SLC22A16: variants seen among roughly 807,000 people sequenced by gnomAD.
SLC22A16 encodes the protein WUGSC:RG331P03.1.
Under a neutral mutation model 52.9 loss-of-function variants are expected in SLC22A16, and 53 were observed. The observed-to-expected ratio is 1.00, with a 90% CI of 0.80 to 1.26. The LOEUF (loss-of-function observed/expected upper bound fraction) is 1.26. Among genes scored for constraint, SLC22A16 ranks in the 50% most tolerant of loss-of-function variants. The pLI, the probability that SLC22A16 is intolerant of heterozygous loss-of-function variation, is 0.00. For missense variants in SLC22A16, 726 were observed against 704.0 expected (o/e 1.03, Z -0.35); for synonymous variants, 291 against 268.8 (o/e 1.08, Z -0.81).
At chr6:110,468,917 C>T (rs904157862) in intron 1 of SLC22A16, among the ~76,000 whole-genome samples, 6 of 152,166 alleles carry the variant, frequency 3.9e-5, no homozygotes, top group Admixed American at 3.9e-4. Flanking sequence ...TGCTATATTG[C>T]CTGTGGCCTC....
intron 2 of SLC22A16, among the ~76,000 whole-genome samples, chr6:110,447,906 T>TA (rs1257582675): frequency 6.6e-6 from 1 of 152,242 alleles, no homozygotes; most frequent in African/African-American, 2.4e-5. Context: ...ATTCATCAGT[T>TA]GATGGCTCAT....
intron 1 of SLC22A16, among the ~76,000 whole-genome samples, chr6:110,465,585 G>C (rs1468851971): frequency 2.0e-5 from 3 of 152,030 alleles, no homozygotes; most frequent in Non-Finnish European, 4.4e-5. Flanking sequence ...CTTAACCAAA[G>C]AAGTAAAAGA....
intron 6 of SLC22A16, 96 bp downstream of exon 6, chr6:110,435,756 T>TA: frequency 1.2e-6 from 1 of 851,296 alleles, no homozygotes; most frequent in Non-Finnish European, 1.8e-6. Flanking sequence ...GTAACTTCTA[T>TA]AAAAAAGAAG....
chr6:110,453,551 C>A lies in SLC22A16; in HGVS notation c.533+2987G>T, dbSNP rs181902869. The A allele has an allele frequency of 4.5e-4, 204 of 450,952 alleles. 2 individuals are homozygous for A. The East Asian group carries it at 0.011, about 24-fold the overall frequency. The allele number at this position is 450,952 out of a possible 1,614,324, so 27.9% of individuals were successfully genotyped here. A position where few individuals can be genotyped will look rare whatever the true frequency, so the allele number is the denominator to read the frequency against. The stretch of plus-strand genomic sequence containing the variant: ...ACTTCGTTAGCAAGCAGTAGGGCAG[C>A]AGCATCTTTGTCTCAGGTCCTCTAA... On this transcript the variant is annotated intron_variant, in intron 2 of 7. Transcript: ENST00000368919.
At chr6:110,427,006 C>A (rs1774282766) in intron 7 of SLC22A16, among the ~76,000 whole-genome samples, 1 of 151,066 alleles carries the variant, frequency 6.6e-6, no homozygotes, top group African/African-American at 2.4e-5. Flanking sequence ...AATCCCAAGA[C>A]TTTGGGAGGC....
chr6:110,467,378 T>C (rs531769109), intron 1 of SLC22A16, among the ~76,000 whole-genome samples: 3 of 152,188 alleles, frequency 2.0e-5, no homozygotes, highest in Non-Finnish European at 4.4e-5. Context: ...TACCATTCTG[T>C]TATTTATGTT....
At chr6:110,440,628 T>A (rs2114930407) in intron 4 of SLC22A16, among the ~76,000 whole-genome samples, 1 of 152,142 alleles carries the variant, frequency 6.6e-6, no homozygotes, top group South Asian at 2.1e-4. Context: ...AATATAAAAA[T>A]TAGCTGGGCA....
At chr6:110,463,642 C>T (rs1355788878) in intron 1 of SLC22A16, among the ~76,000 whole-genome samples, 1 of 148,238 alleles carries the variant, frequency 6.7e-6, no homozygotes. Flanking sequence ...ATTTATAAAA[C>T]AAATACTATT....
At chr6:110,440,152 T>A (rs910224717) in intron 4 of SLC22A16, 1 of 152,242 alleles carries the variant, frequency 6.6e-6, no homozygotes, top group Non-Finnish European at 1.5e-5. Flanking sequence ...GGTGGTTCCC[T>A]GCTCTCAGGA....
At chr6:110,439,394 T>C (rs79425584) in intron 4 of SLC22A16, among the ~76,000 whole-genome samples, 215 of 152,264 alleles carry the variant, frequency 1.4e-3, no homozygotes, top group African/African-American at 4.8e-3. Context: ...CCACCTACCA[T>C]TGGCCACTCT....
In SLC22A16 at chr6:110,438,855, T is replaced by G. The variant is rs774648919; in HGVS notation, c.1184-8A>C. The G allele has an allele frequency of 6.2e-7, 1 of 1,613,648 alleles. No homozygotes were observed. Among genetic ancestry groups the G allele is most frequent in the Non-Finnish European group, 8.5e-7 (1 of 1,179,746 alleles). On this transcript the variant is annotated splice_region_variant and splice_polypyrimidine_tract_variant and intron_variant, in intron 4 of 7. Coordinates refer to ENST00000368919, the MANE Select transcript of SLC22A16 (RefSeq NM_033125.4). ...CGGGAATTTCCACTACACCTGTCAT[T>G]GAGCAAGCAGCCCTCTATAAGTCTA... is the stretch of plus-strand genomic sequence containing the variant.
intron 1 of SLC22A16, among the ~76,000 whole-genome samples, chr6:110,461,747 C>G (rs1280900270): frequency 6.6e-6 from 1 of 151,966 alleles, no homozygotes; most frequent in African/African-American, 2.4e-5. Context: ...CCTTGGCCCC[C>G]TGAAAGCACC....
chr6:110,439,552 C>A (rs10457211), intron 4 of SLC22A16, among the ~76,000 whole-genome samples: 1 of 152,030 alleles, frequency 6.6e-6, no homozygotes, highest in East Asian at 1.9e-4. Context: ...TCCTGCTGAG[C>A]TATAATGAAC....
At chr6:110,469,380 A>G (rs537582622) in intron 1 of SLC22A16, among the ~76,000 whole-genome samples, 157 of 152,208 alleles carry the variant, frequency 1.0e-3, no homozygotes, top group African/African-American at 3.7e-3. Flanking sequence ...GTGAAACTCC[A>G]TCTCTACTAT....
At chr6:110,425,471 G>A (rs1774222861) in intron 7 of SLC22A16, 1 of 1,227,940 alleles carries the variant, frequency 8.1e-7, no homozygotes, top group Admixed American at 2.4e-5. Flanking sequence ...CCTGGGTCAG[G>A]ACATGCCAAG....
chr6:110,430,402 T>C (rs1774449273), intron 7 of SLC22A16, among the ~76,000 whole-genome samples: 1 of 151,574 alleles, frequency 6.6e-6, no homozygotes, highest in Non-Finnish European at 1.5e-5. Context: ...AGGTGATGCA[T>C]GCAGGGGGCG....
At chr6:110,433,388 G>T (rs1215787285) in intron 6 of SLC22A16, among the ~76,000 whole-genome samples, 1 of 152,154 alleles carries the variant, frequency 6.6e-6, no homozygotes, top group Non-Finnish European at 1.5e-5. Context: ...AGGGCTGCCT[G>T]CCCTAGCATT....
Position 110,435,947 on chromosome 6 carries a change from C to G in SLC22A16, c.1326G>C (p.Leu442Phe). ...TTCCAACCATAGCTGTCACCACACCCAAAATATAATGTTTCTGAAAAAAAT... is the reference window on the plus strand; with the variant it reads ...TTCCAACCATAGCTGTCACCACACCGAAAATATAATGTTTCTGAAAAAAAT... ...VMVIPQKHYI[L>F]GVVTAMVGKF... The change falls in exon 6 of 8, where the codon TTG becomes TTC. Residue 442 changes from leucine to phenylalanine, a missense_variant. Leu to Phe is a conservative substitution (Grantham distance 22, BLOSUM62 0). Coordinates refer to ENST00000368919, the MANE Select transcript of SLC22A16 (RefSeq NM_033125.4). The G allele has an allele frequency of 6.2e-7, 1 of 1,613,074 alleles. No homozygotes were observed. Among genetic ancestry groups the G allele is most frequent in the African/African-American group, 1.3e-5 (1 of 75,004 alleles).
At chr6:110,466,648 A>T (rs1052655311) in intron 1 of SLC22A16, among the ~76,000 whole-genome samples, 1 of 152,164 alleles carries the variant, frequency 6.6e-6, no homozygotes, top group Non-Finnish European at 1.5e-5. Flanking sequence ...GACTGTGGAG[A>T]AAAGGGAACA....
Sources: allele counts gnomAD v4.1 joint callset (sites outside exome capture counted in the v4.1 genomes callset), GRCh38; gene constraint gnomAD v4.1.1; transcripts MANE v1.5; gene names NCBI Gene and HGNC (gene_info 2026-07-23, HGNC 2026-07-21).